Variants in MASP2 observed in about 807,000 individuals in gnomAD.
MASP2 encodes the protein mannan-binding lectin serine protease 2.
A neutral mutation model predicts 57.1 loss-of-function variants in MASP2; 49 were observed. That is an observed-to-expected ratio of 0.86 (90% CI 0.68 to 1.09). The LOEUF is 1.09. Ranked by LOEUF, MASP2 falls within the 50% of genes least tolerant of loss-of-function variation. The pLI, the probability that MASP2 is intolerant of heterozygous loss-of-function variation, is 0.00. For missense variants in MASP2, 900 were observed against 874.8 expected (o/e 1.03, Z -0.36); for synonymous variants, 379 against 340.8 (o/e 1.11, Z -1.24).
At chr1:11,028,824 C>T (rs1285178664) in intron 10 of MASP2, among the ~76,000 whole-genome samples, 2 of 145,268 alleles carry the variant, frequency 1.4e-5, no homozygotes, top group Non-Finnish European at 1.5e-5. Context: ...TGCCATTCTC[C>T]TGCCTCAGCC....
intron 10 of MASP2, among the ~76,000 whole-genome samples, chr1:11,028,097 C>T (rs1053085295): frequency 6.6e-6 from 1 of 152,066 alleles, no homozygotes; most frequent in African/African-American, 2.4e-5. Context: ...TGATGGGCAC[C>T]TGTAATCCCA....
chr1:11,030,130 C>G, intron 10 of MASP2, 46 bp downstream of exon 10: 1 of 1,417,676 alleles, frequency 7.1e-7, no homozygotes, highest in South Asian at 1.2e-5. Context: ...CTACCCAGTC[C>G]TCCTTTCCAT....
At chr1:11,035,713 A>G (rs1643881382) in intron 7 of MASP2, among the ~76,000 whole-genome samples, 1 of 151,478 alleles carries the variant, frequency 6.6e-6, no homozygotes, top group Admixed American at 6.6e-5. Context: ...TGGGCAACAT[A>G]GTGAGACCCC....
chr1:11,035,391 G>C (rs1643879530), intron 7 of MASP2, among the ~76,000 whole-genome samples: 1 of 151,968 alleles, frequency 6.6e-6, no homozygotes, highest in African/African-American at 2.4e-5. Context: ...GCCTGGCATG[G>C]TGGCGTGCAC....
At chr1:11,030,344 G>GCT (rs1274503427) in intron 9 of MASP2, 94 bp from the exon 10 acceptor site, 1 of 842,664 alleles carries the variant, frequency 1.2e-6, no homozygotes, top group Non-Finnish European at 2.0e-6. Context: ...TGATTCTTGA[G>GCT]CATCAGTGGG....
chr1:11,028,263 G>A (rs1410212740), intron 10 of MASP2, among the ~76,000 whole-genome samples: 2 of 152,108 alleles, frequency 1.3e-5, no homozygotes, highest in Non-Finnish European at 2.9e-5. Context: ...AGCAGGCATT[G>A]TCTGAGCAGA....
chr1:11,043,670 C>G, intron 4 of MASP2, 135 bp from the exon 5 acceptor site: 1 of 651,518 alleles, frequency 1.5e-6, no homozygotes, highest in Non-Finnish European at 2.6e-6. Flanking sequence ...CTGGGTTGGG[C>G]TGGGCCCTGC....
At chr1:11,034,675 G>A (rs1476249930) in intron 8 of MASP2, among the ~76,000 whole-genome samples, 153 bp downstream of exon 8, 1 of 148,052 alleles carries the variant, frequency 6.8e-6, no homozygotes, top group Non-Finnish European at 1.5e-5. Flanking sequence ...CTCCAGTCTG[G>A]GCAACAGAGC....
At position 11,037,729 on chromosome 1, in the gene MASP2, G is replaced by A. The variant is rs772344841; in HGVS notation, c.972C>T (p.Phe324=). The A allele has an allele frequency of 6.2e-7, 1 of 1,612,432 alleles. No homozygotes were observed. The highest frequency in any genetic ancestry group is 8.5e-7 in the Non-Finnish European group (1 of 1,179,520). ...CATAGCCAGTCTCGCAAAAGATGGA[G>A]AAGCTGTCTTTCAGGATGTATTTGG... ...VQAKYILKDS[F]SIFCETGYEL... is the part of the protein sequence containing the mutation. The change falls in exon 7 of 11, where the codon TTC becomes TTT. Residue 324 remains phenylalanine (F), a synonymous_variant. Transcript: ENST00000400897.
At chr1:11,039,865 A>AGGAG (rs1553161554) in intron 6 of MASP2, among the ~76,000 whole-genome samples, 1 of 125,006 alleles carries the variant, frequency 8.0e-6, no homozygotes, top group African/African-American at 3.2e-5. Flanking sequence ...GGTGGATAGA[A>AGGAG]GGATGGATGG....
chr1:11,041,344 A>T (rs1450157895), intron 6 of MASP2, among the ~76,000 whole-genome samples: 1 of 145,678 alleles, frequency 6.9e-6, no homozygotes, highest in Non-Finnish European at 1.5e-5. Flanking sequence ...AGGATGATGG[A>T]TGGATAGATA....
chr1:11,026,842 G>A lies in MASP2; in HGVS notation c.*43C>T. On this transcript the variant is annotated 3_prime_UTR_variant, in exon 11 of 11. Transcript: ENST00000400897. Reference sequence around the variant, plus strand: ...CCACGTCGCTGCCAAGGTCTTCACAGGCATTTCTAAAAATGAAGAATCCTT... The same window carrying A: ...CCACGTCGCTGCCAAGGTCTTCACAAGCATTTCTAAAAATGAAGAATCCTT... The A allele has an allele frequency of 6.9e-7, 1 of 1,447,410 alleles. No individual in the cohort carries two copies. Among genetic ancestry groups the A allele is most frequent in the Non-Finnish European group, 9.1e-7 (1 of 1,097,288 alleles). 89.7% of individuals were successfully genotyped at this position (1,447,410 alleles called of 1,614,324 possible).
chr1:11,028,915 G>A (rs758692444), intron 10 of MASP2, among the ~76,000 whole-genome samples: 13 of 150,076 alleles, frequency 8.7e-5, no homozygotes, highest in African/African-American at 2.4e-4. Context: ...GGGTTTCACC[G>A]TTTTAGCCAG....
Position 11,043,860 on chromosome 1 carries a change from T to A in MASP2, c.545-325A>T, listed in dbSNP as rs551793746. On this transcript the variant is annotated intron_variant, in intron 4 of 10. Transcript: ENST00000400897. ...AGCGTGGTGGTGTCCTGAGCCAGAG[T>A]CGCAACCCCAGGGTAGGGGCTAGAG... is the stretch of plus-strand genomic sequence containing the variant. 2.8e-5 allele frequency among the ~76,000 whole-genome samples: 4 copies of A among 141,648 alleles called. No homozygotes were observed. The East Asian group carries it at 9.1e-4, about 32-fold the overall frequency. 92.9% of individuals were successfully genotyped at this position (141,648 alleles called of 152,430 possible). A position where few individuals can be genotyped will look rare whatever the true frequency, so the allele number is the denominator to read the frequency against.
At chr1:11,046,806 C>T in intron 2 of MASP2, 73 bp from the exon 3 acceptor site, 1 of 1,556,696 alleles carries the variant, frequency 6.4e-7, no homozygotes, top group South Asian at 1.2e-5. Context: ...AGCCTGGCCC[C>T]TGCTCCCAGG....
At chr1:11,030,095 C>T (rs775599889) in intron 10 of MASP2, 81 bp downstream of exon 10, 29 of 993,742 alleles carry the variant, frequency 2.9e-5, no homozygotes, top group Non-Finnish European at 4.3e-5. Context: ...CTGCCTACCA[C>T]AGCTAAAGCT....
chr1:11,042,386 G>T (rs1473560801), intron 6 of MASP2, among the ~76,000 whole-genome samples: 3 of 150,224 alleles, frequency 2.0e-5, no homozygotes, highest in African/African-American at 7.4e-5. Context: ...TGAGTGAATG[G>T]ATAGATGGAT....
At chr1:11,029,358 G>A (rs1005843026) in intron 10 of MASP2, among the ~76,000 whole-genome samples, 2 of 147,556 alleles carry the variant, frequency 1.4e-5, no homozygotes, top group Non-Finnish European at 1.5e-5. Context: ...CCGAGATTGC[G>A]CCACTGCACT....
In MASP2 at chr1:11,031,381, T is replaced by C. The variant is rs557929498; in HGVS notation, c.1088-499A>G. Reference sequence around the variant, plus strand: ...TACTAAAAATACAAAAAAAAAAAATTAGCCAGGCGTGGTAGCGGGCGCCTG... The same window carrying C: ...TACTAAAAATACAAAAAAAAAAAATCAGCCAGGCGTGGTAGCGGGCGCCTG... On this transcript the variant is annotated intron_variant, in intron 8 of 10. Transcript: ENST00000400897. Among the ~76,000 whole-genome samples the C allele has an allele frequency of 2.0e-5, 3 of 150,694 alleles. No homozygotes were observed. In the South Asian group the frequency reaches 6.3e-4, roughly 32 times the overall value.
Sources: gnomAD v4.1 joint callset for allele counts (sites outside exome capture counted in the v4.1 genomes callset) on GRCh38, gnomAD v4.1.1 for gene constraint, MANE v1.5 for transcripts, NCBI Gene and HGNC (gene_info 2026-07-23, HGNC 2026-07-21) for gene names.